ARNT2: variants seen among roughly 807,000 people sequenced by gnomAD.
The protein encoded by ARNT2 is ARNT protein 2.
ARNT2 carries 36 observed loss-of-function variants against 91.7 expected under a neutral mutation model. The ratio of observed to expected loss-of-function variants is 0.39; its 90% CI spans 0.30 to 0.52. The LOEUF is 0.52. Ranked by LOEUF, ARNT2 falls within the 20% of genes least tolerant of loss-of-function variation. ARNT2 has a pLI of 0.72. For synonymous variants in ARNT2, 365 were observed against 347.1 expected (o/e 1.05, Z -0.57); for missense variants, 775 against 939.3 (o/e 0.83, Z 2.29).
At chr15:80,552,870 T>A (rs1336644009) in intron 10 of ARNT2, 96 bp downstream of exon 10, 38 of 1,465,588 alleles carry the variant, frequency 2.6e-5, no homozygotes, top group Non-Finnish European at 3.4e-5. Flanking sequence ...AATGGCCATG[T>A]GGAGAAACAT....
intron 11 of ARNT2, 182 bp downstream of exon 11, chr15:80,555,321 A>T: frequency 1.7e-6 from 1 of 589,494 alleles, no homozygotes; most frequent in Non-Finnish European, 3.0e-6. Flanking sequence ...CACATCAGTA[A>T]ATAAGTACTA....
intron 1 of ARNT2, among the ~76,000 whole-genome samples, chr15:80,439,072 A>G (rs973177252): frequency 6.6e-6 from 1 of 152,208 alleles, no homozygotes; most frequent in Admixed American, 6.5e-5. Flanking sequence ...CTTTTACCAT[A>G]TGGTCAAAGA....
chr15:80,408,210 T>C (rs972495446), intron 1 of ARNT2, among the ~76,000 whole-genome samples: 1 of 152,246 alleles, frequency 6.6e-6, no homozygotes, highest in Non-Finnish European at 1.5e-5. Context: ...ACTGATTGGA[T>C]ATCTTTGATA....
chr15:80,557,876 A>G (rs1370457671), intron 11 of ARNT2, among the ~76,000 whole-genome samples: 1 of 152,174 alleles, frequency 6.6e-6, no homozygotes, highest in African/African-American at 2.4e-5. Flanking sequence ...CATTCGGAAG[A>G]CATAAATTAG....
In ARNT2 at chr15:80,508,221, T is replaced by C; in HGVS notation, c.688T>C (p.Cys230Arg). ...AGGGCAGCAGTCATCCATGAGGATG[T>C]GCATGGGCTCGCGGCGGTCTTTCAT... ...KEGQQSSMRMCMGSRRSFICR... is the reference protein window; with the variant it reads ...KEGQQSSMRMRMGSRRSFICR... The change falls in exon 6 of 19, where the codon TGC becomes CGC. Residue 230 changes from cysteine to arginine, a missense_variant. Around this residue, in one of 5 missense-constraint regions of ARNT2, gnomAD observed 285 missense variants for 327.2 expected, o/e 0.87. Transcript: ENST00000303329. 1 of 1,614,138 alleles carries C rather than the reference T, an allele frequency of 6.2e-7. No individual in the cohort carries two copies. Among genetic ancestry groups the C allele is most frequent in the Non-Finnish European group, 8.5e-7 (1 of 1,180,010 alleles).
In ARNT2 at chr15:80,480,566, A is replaced by G. The variant is rs560451958; in HGVS notation, c.622+5343A>G. ...GCATAACCCACGGACTCTTCAAGACAAGGTCGATTTGGCCTGTTTCCCCTG... is the reference window on the plus strand; with the variant it reads ...GCATAACCCACGGACTCTTCAAGACGAGGTCGATTTGGCCTGTTTCCCCTG... On this transcript the variant is annotated intron_variant, in intron 5 of 18. Coordinates refer to ENST00000303329, the MANE Select transcript of ARNT2 (RefSeq NM_014862.4). Among the ~76,000 whole-genome samples the G allele has an allele frequency of 1.2e-4, 18 of 152,218 alleles. No individual in the cohort carries two copies. In the South Asian group the frequency reaches 3.5e-3, roughly 30 times the overall value.
At chr15:80,546,909 G>A (rs1897999484) in intron 8 of ARNT2, among the ~76,000 whole-genome samples, 3 of 151,812 alleles carry the variant, frequency 2.0e-5, no homozygotes, top group Admixed American at 2.0e-4. Context: ...GTTGCAGTGA[G>A]CCGAGATCAC....
intron 1 of ARNT2, among the ~76,000 whole-genome samples, chr15:80,446,144 C>G (rs1159292340): frequency 6.6e-6 from 1 of 151,950 alleles, no homozygotes; most frequent in Admixed American, 6.6e-5. Flanking sequence ...GATAGAAAAC[C>G]AAGGCACAGA....
chr15:80,454,321 C>G (rs1896449773), intron 2 of ARNT2, among the ~76,000 whole-genome samples: 1 of 152,156 alleles, frequency 6.6e-6, no homozygotes, highest in Non-Finnish European at 1.5e-5. Flanking sequence ...GTGCCCATCT[C>G]AAAGCCAGCT....
intron 3 of ARNT2, among the ~76,000 whole-genome samples, chr15:80,461,988 C>T (rs1457983382): frequency 2.6e-5 from 4 of 152,140 alleles, no homozygotes; most frequent in East Asian, 3.9e-4. Context: ...ATGATCCTCC[C>T]GGGCAGCTGG....
At chr15:80,538,326 T>C (rs2141447464) in intron 8 of ARNT2, among the ~76,000 whole-genome samples, 1 of 152,342 alleles carries the variant, frequency 6.6e-6, no homozygotes, top group East Asian at 1.9e-4. Context: ...ATATTCAATG[T>C]CAAATTTTAA....
intron 3 of ARNT2, among the ~76,000 whole-genome samples, chr15:80,464,022 A>G (rs2141390083): frequency 6.6e-6 from 1 of 152,274 alleles, no homozygotes; most frequent in African/African-American, 2.4e-5. Flanking sequence ...ATAACACTAG[A>G]GTTTTTTGGA....
At position 80,475,195 on chromosome 15, in the gene ARNT2, A is replaced by G. The variant is rs904236117; in HGVS notation, c.594A>G (p.Gln198=). The change falls in exon 5 of 19, where the codon CAA becomes CAG. Residue 198 remains glutamine, a synonymous_variant. Coordinates refer to ENST00000303329, the MANE Select transcript of ARNT2 (RefSeq NM_014862.4). Reference sequence around the variant, plus strand: ...ATGACGTGGAGAAGCTGAGAGAGCAACTGTGCACCTCAGAAAACTCAATGA... The same window carrying G: ...ATGACGTGGAGAAGCTGAGAGAGCAGCTGTGCACCTCAGAAAACTCAATGA... ...HPDDVEKLRE[Q]LCTSENSMTG... 4 of 1,614,002 alleles carry G rather than the reference A, an allele frequency of 2.5e-6. No homozygotes were observed. The African/African-American group carries it at 5.3e-5, about 22-fold the overall frequency.
chr15:80,424,005 G>T (rs111488293), intron 1 of ARNT2, among the ~76,000 whole-genome samples: 1 of 152,222 alleles, frequency 6.6e-6, no homozygotes, highest in Admixed American at 6.5e-5. Context: ...CCCACCTTGT[G>T]TTGGTTTTAT....
chr15:80,527,100 C>A (rs1481643653), intron 8 of ARNT2, among the ~76,000 whole-genome samples: 1 of 152,212 alleles, frequency 6.6e-6, no homozygotes, highest in Non-Finnish European at 1.5e-5. Flanking sequence ...TTGGCAAAGT[C>A]TTCTGGCCTC....
chr15:80,589,674 C>A (rs905505426), intron 17 of ARNT2, among the ~76,000 whole-genome samples: 1 of 152,212 alleles, frequency 6.6e-6, no homozygotes, highest in South Asian at 2.1e-4. Context: ...GTGGGAATTT[C>A]CTCGTAGCTC....
At position 80,597,490 on chromosome 15, in the gene ARNT2, A is replaced by G. The variant is rs1893393196; in HGVS notation, c.*3792A>G. The G allele has an allele frequency of 3.1e-6, 1 of 324,266 alleles. No individual in the cohort carries two copies. Among genetic ancestry groups the G allele is most frequent in the East Asian group, 8.0e-5 (1 of 12,554 alleles). The allele number at this position is 324,266 out of a possible 1,614,324, so 20.1% of individuals were successfully genotyped here. A position where few individuals can be genotyped will look rare whatever the true frequency, so the allele number is the denominator to read the frequency against. ...CTGGACATTCACCTTTTCTTTGACCATCTGGAGTCTGGGGCAACTTAAGGA... is the reference window on the plus strand; with the variant it reads ...CTGGACATTCACCTTTTCTTTGACCGTCTGGAGTCTGGGGCAACTTAAGGA... On this transcript the variant is annotated 3_prime_UTR_variant, in exon 19 of 19. Transcript: ENST00000303329.
chr15:80,506,576 G>A (rs915868478), intron 5 of ARNT2, among the ~76,000 whole-genome samples: 3 of 152,174 alleles, frequency 2.0e-5, no homozygotes, highest in African/African-American at 7.2e-5. Flanking sequence ...GCTCAAATTG[G>A]GTTCTGCAAG....
At chr15:80,467,988 T>C (rs1051814312) in intron 3 of ARNT2, among the ~76,000 whole-genome samples, 3 of 152,048 alleles carry the variant, frequency 2.0e-5, no homozygotes, top group African/African-American at 7.2e-5. Context: ...ATCCCCCTTT[T>C]TCATCACTTT....
Sources: gnomAD v4.1 joint callset for allele counts (sites outside exome capture counted in the v4.1 genomes callset) on GRCh38, gnomAD v4.1.1 for gene constraint, gnomAD v4.1.1 regional missense constraint, MANE v1.5 for transcripts, NCBI Gene and HGNC (gene_info 2026-07-23, HGNC 2026-07-21) for gene names.